The following CDH26 variants were observed in gnomAD, a reference collection of about 807,000 sequenced individuals.
CDH26 encodes cadherin 26, also known as cadherin-like protein 26.
Under a neutral mutation model 90.3 loss-of-function variants are expected in CDH26, and 83 were observed. The ratio of observed to expected loss-of-function variants is 0.92; its 90% CI spans 0.77 to 1.10. CDH26 has a LOEUF of 1.10. Ranked by LOEUF, CDH26 falls within the 50% of genes least tolerant of loss-of-function variation. The pLI, the probability that CDH26 is intolerant of heterozygous loss-of-function variation, is 0.00. For missense variants in CDH26, 1,013 were observed against 1,037.6 expected (o/e 0.98, Z 0.33); for synonymous variants, 397 against 396.3 (o/e 1.00, Z -0.02).
chr20:60,010,909 G>A (rs2061828337), intron 17 of CDH26, among the ~76,000 whole-genome samples: 1 of 152,224 alleles, frequency 6.6e-6, no homozygotes, highest in African/African-American at 2.4e-5. Context: ...CTGGAAATGG[G>A]GCTGGAGGAC....
intron 1 of CDH26, among the ~76,000 whole-genome samples, chr20:59,967,898 TTC>T (rs2061184543): frequency 1.6e-5 from 2 of 124,354 alleles, no homozygotes; most frequent in African/African-American, 7.9e-5. Context: ...CCTTCCTTCC[TTC>T]CTTCCTTCCT....
At chr20:60,023,914 C>G (rs2146032304) in intron 7 of CDH26, among the ~76,000 whole-genome samples, 1 of 152,076 alleles carries the variant, frequency 6.6e-6, no homozygotes, top group East Asian at 1.9e-4. Context: ...CCCAGCTAAG[C>G]CCTTCCTTCC....
chr20:60,023,989 A>AG (rs2061978309), intron 7 of CDH26, among the ~76,000 whole-genome samples: 3 of 139,738 alleles, frequency 2.1e-5, no homozygotes, highest in African/African-American at 5.6e-5. Context: ...GAGAGAGAGA[A>AG]ATATCAGCAG....
At chr20:59,984,872 T>G in intron 6 of CDH26, 67 bp downstream of exon 6, 1 of 1,569,442 alleles carries the variant, frequency 6.4e-7, no homozygotes, top group Non-Finnish European at 8.7e-7. Flanking sequence ...CAGGCTTAGA[T>G]TCTACATTTG....
At chr20:59,969,450 A>G (rs982907566) in intron 2 of CDH26, among the ~76,000 whole-genome samples, 20 of 152,162 alleles carry the variant, frequency 1.3e-4, no homozygotes, top group Non-Finnish European at 2.5e-4. Context: ...TAATTTTTTT[A>G]AAAAAGAACT....
intron 10 of CDH26, among the ~76,000 whole-genome samples, chr20:59,993,134 G>A (rs2061548423): frequency 6.6e-6 from 1 of 152,176 alleles, no homozygotes; most frequent in African/African-American, 2.4e-5. Flanking sequence ...ATGTTGGCGG[G>A]GGGCAATGGA....
At chr20:60,019,694 G>T (rs892750286) in intron 7 of CDH26, among the ~76,000 whole-genome samples, 1 of 151,980 alleles carries the variant, frequency 6.6e-6, no homozygotes, top group African/African-American at 2.4e-5. Flanking sequence ...CTGGAATTTT[G>T]TGTGTTTCCT....
downstream of CDH26, among the ~76,000 whole-genome samples, chr20:60,017,209 G>C (rs1446667236): frequency 6.6e-6 from 1 of 151,980 alleles, no homozygotes; most frequent in East Asian, 1.9e-4. Context: ...TTTAAAGTTT[G>C]GCAGAATTCA....
chr20:60,033,249 C>A (rs1168365647), intron 8 of CDH26, among the ~76,000 whole-genome samples: 1 of 152,116 alleles, frequency 6.6e-6, no homozygotes, highest in Non-Finnish European at 1.5e-5. Context: ...TTTGAGAAGT[C>A]ATTGCTATTA....
intron 3 of CDH26, among the ~76,000 whole-genome samples, chr20:59,971,005 C>T (rs1185823764): frequency 6.6e-6 from 1 of 152,072 alleles, no homozygotes; most frequent in East Asian, 1.9e-4. Context: ...TTGCCTCCCT[C>T]ATGCTGAGGG....
rs560456940 is a variant in CDH26, at chr20:59,996,467, G to A, written c.1889-164G>A. ...ACAAACAGTTATGTAGCATCTACTG[G>A]TACCCTGGAACTGTGCTGAACTTTA... On this transcript the variant is annotated intron_variant, in intron 12 of 17. Coordinates refer to ENST00000348616, the MANE Select transcript of CDH26 (RefSeq NM_177980.4). The A allele has an allele frequency of 6.3e-4, 1,010 of 1,606,812 alleles. 2 individuals carry two copies. Among genetic ancestry groups the A allele is most frequent in the Non-Finnish European group, 7.7e-4 (910 of 1,175,758 alleles).
intron 17 of CDH26, among the ~76,000 whole-genome samples, chr20:60,011,489 A>G (rs1315904613): frequency 1.3e-5 from 2 of 152,216 alleles, no homozygotes; most frequent in Non-Finnish European, 2.9e-5. Flanking sequence ...TTCTGATACC[A>G]TCGAAATCAT....
rs1166192569 is a variant in CDH26 at position 60,022,853 on chromosome 20, T to A, written c.948-8378T>A. On this transcript the variant is annotated intron_variant, in intron 7 of 8. Coordinates refer to the CDH26 transcript ENST00000370991. ...CACAAGCATTCTACTGCTGAAATTT[T>A]GTGCAAGTATGAGGCTGCAGAGACT... Among the ~76,000 whole-genome samples the A allele has an allele frequency of 3.9e-5, 6 of 152,050 alleles. No individual in the cohort carries two copies. The East Asian group carries it at 1.2e-3, about 29-fold the overall frequency.
chr20:59,964,638 G>A (rs576342310), intron 1 of CDH26, among the ~76,000 whole-genome samples: 1 of 152,278 alleles, frequency 6.6e-6, no homozygotes, highest in South Asian at 2.1e-4. Flanking sequence ...TAATTTCTAA[G>A]ACATGCATAA....
chr20:60,005,878 C>T (rs1200163377), intron 16 of CDH26, among the ~76,000 whole-genome samples: 1 of 152,160 alleles, frequency 6.6e-6, no homozygotes, highest in Non-Finnish European at 1.5e-5. Flanking sequence ...CCTCCCCCCA[C>T]CTCCCTAACC....
intron 10 of CDH26, among the ~76,000 whole-genome samples, chr20:59,993,490 A>G (rs952289463): frequency 1.3e-5 from 2 of 152,158 alleles, no homozygotes; most frequent in Admixed American, 1.3e-4. Context: ...CTTAGCTCCC[A>G]CTTATAAGTG....
Position 59,985,078 on chromosome 20 carries a change from C to T in CDH26, c.786C>T (p.His262=), listed in dbSNP as rs768186259. 71 of 1,613,930 alleles carry T rather than the reference C, an allele frequency of 4.4e-5. No homozygotes were observed. Among genetic ancestry groups the T allele is most frequent in the African/African-American group, 1.5e-4 (11 of 74,900 alleles). The part of the protein sequence containing the change: ...EPSLSSTTTV[H]VDVQEGNNHR... ...CACTGTCATCCACGACCACCGTTCA[C>T]GTGGATGTGCAAGAAGGCAACAACC... The change falls in exon 7 of 18, where the codon CAC becomes CAT. Residue 262 remains histidine (H), a synonymous_variant. Coordinates refer to ENST00000348616, the MANE Select transcript of CDH26 (RefSeq NM_177980.4).
chr20:59,980,818 G>A (rs747292787), intron 4 of CDH26, among the ~76,000 whole-genome samples: 11 of 152,022 alleles, frequency 7.2e-5, no homozygotes, highest in Non-Finnish European at 1.3e-4. Flanking sequence ...GTTTTTGGTG[G>A]TGTTATCTAA....
At chr20:59,964,437 C>T (rs1395013359) in intron 1 of CDH26, among the ~76,000 whole-genome samples, 1 of 148,902 alleles carries the variant, frequency 6.7e-6, no homozygotes, top group Non-Finnish European at 1.5e-5. Flanking sequence ...AAGAACCCCC[C>T]GCCCCCGACC....
Sources: allele counts gnomAD v4.1 joint callset (sites outside exome capture counted in the v4.1 genomes callset), GRCh38; gene constraint gnomAD v4.1.1; transcripts MANE v1.5; gene names NCBI Gene and HGNC (gene_info 2026-07-23, HGNC 2026-07-21).